ARHGAP15: variants seen among roughly 807,000 people sequenced by gnomAD.
ARHGAP15 encodes Rho GTPase activating protein 15.
A neutral mutation model predicts 63.7 loss-of-function variants in ARHGAP15; 51 were observed. That is an observed-to-expected ratio of 0.80 (90% CI 0.64 to 1.01). The LOEUF (loss-of-function observed/expected upper bound fraction) is 1.01. Ranked by LOEUF, ARHGAP15 falls within the 50% of genes least tolerant of loss-of-function variation. The pLI is 0.00. For synonymous variants in ARHGAP15, 191 were observed against 193.8 expected, an observed-to-expected ratio of 0.99 and a Z score of 0.12; for missense variants, 560 against 564.6, an observed-to-expected ratio of 0.99 and a Z score of 0.08.
chr2:143,414,736 C>T (rs1688605167), intron 6 of ARHGAP15, among the ~76,000 whole-genome samples: 2 of 152,138 alleles, frequency 1.3e-5, no homozygotes, highest in Admixed American at 6.5e-5. Context: ...GAGTTTGAGA[C>T]CAGCTTGGCT....
intron 13 of ARHGAP15, among the ~76,000 whole-genome samples, chr2:143,758,512 A>G (rs1686656400): frequency 1.3e-5 from 2 of 152,134 alleles, no homozygotes; most frequent in Non-Finnish European, 2.9e-5. Flanking sequence ...ACATAAAAGT[A>G]TACACTCTAA....
At chr2:143,555,934 G>A (rs946618973) in intron 10 of ARHGAP15, among the ~76,000 whole-genome samples, 38 of 131,286 alleles carry the variant, frequency 2.9e-4, no homozygotes, top group Non-Finnish European at 1.9e-4. Flanking sequence ...ATAGAACAGA[G>A]TAGAAATGGA....
intron 10 of ARHGAP15, among the ~76,000 whole-genome samples, chr2:143,552,895 G>A (rs1421239998): frequency 1.3e-5 from 2 of 152,116 alleles, no homozygotes; most frequent in Non-Finnish European, 2.9e-5. Flanking sequence ...CTTCTCCAAA[G>A]CACAAAAGAG....
At chr2:143,347,616 A>C (rs752749336) in intron 6 of ARHGAP15, among the ~76,000 whole-genome samples, 2 of 152,122 alleles carry the variant, frequency 1.3e-5, no homozygotes, top group Non-Finnish European at 2.9e-5. Flanking sequence ...TGCTGGCCTG[A>C]AACAGTATTA....
chr2:143,692,803 C>T (rs965872995), intron 12 of ARHGAP15, among the ~76,000 whole-genome samples: 3 of 152,142 alleles, frequency 2.0e-5, no homozygotes, highest in African/African-American at 7.2e-5. Context: ...GTCTCTGCAA[C>T]AGAAACTGTT....
At chr2:143,732,337 A>G (rs1349713764) in intron 13 of ARHGAP15, among the ~76,000 whole-genome samples, 1 of 152,172 alleles carries the variant, frequency 6.6e-6, no homozygotes, top group African/African-American at 2.4e-5. Context: ...TTGGAATACT[A>G]CCTTCATCCC....
chr2:143,219,098 G>A (rs185078550), intron 4 of ARHGAP15, among the ~76,000 whole-genome samples: 2 of 152,328 alleles, frequency 1.3e-5, no homozygotes, highest in African/African-American at 2.4e-5. Context: ...GTAGTCATGT[G>A]CCACATGGTG....
chr2:143,404,477 A>C (rs1688118021), intron 6 of ARHGAP15, among the ~76,000 whole-genome samples: 1 of 151,914 alleles, frequency 6.6e-6, no homozygotes, highest in African/African-American at 2.4e-5. Context: ...CTAATACAAA[A>C]ATTTATATTT....
intron 6 of ARHGAP15, among the ~76,000 whole-genome samples, chr2:143,282,188 T>G (rs1304742909): frequency 2.0e-5 from 3 of 152,030 alleles, no homozygotes; most frequent in Non-Finnish European, 4.4e-5. Flanking sequence ...TAATCTGCCC[T>G]CGTATGGAAG....
Position 143,410,895 on chromosome 2 carries a change from A to G in ARHGAP15, c.475-24706A>G, listed in dbSNP as rs536129227. On this transcript the variant is annotated intron_variant, in intron 6 of 13. Coordinates refer to ENST00000295095, the MANE Select transcript of ARHGAP15 (RefSeq NM_018460.4). Reference sequence around the variant, plus strand: ...TGATCATGATAGCTTCAATCAGAGTAAAATAAAAAACGAAAATATCGTAGG... The same window carrying G: ...TGATCATGATAGCTTCAATCAGAGTGAAATAAAAAACGAAAATATCGTAGG... Among the ~76,000 whole-genome samples, 297 of 151,978 alleles carry G rather than the reference A, an allele frequency of 2.0e-3. 2 individuals are homozygous for G. The highest frequency in any genetic ancestry group is 7.0e-3 in the African/African-American group (291 of 41,414).
intron 11 of ARHGAP15, among the ~76,000 whole-genome samples, chr2:143,623,848 C>A (rs1337932857): frequency 6.6e-6 from 1 of 152,246 alleles, no homozygotes; most frequent in Admixed American, 6.5e-5. Flanking sequence ...AATTTTCATA[C>A]TGATGCATTA....
At chr2:143,709,143 A>G (rs1007110949) in intron 13 of ARHGAP15, among the ~76,000 whole-genome samples, 1 of 152,202 alleles carries the variant, frequency 6.6e-6, no homozygotes, top group African/African-American at 2.4e-5. Context: ...ATACATAATT[A>G]TGGAAAATTT....
At position 143,326,052 on chromosome 2, in the gene ARHGAP15, A is replaced by G. The variant is rs116464794; in HGVS notation, c.474+75452A>G. Among the ~76,000 whole-genome samples, 1,486 of 152,246 alleles carry G rather than the reference A, an allele frequency of 9.8e-3. 23 individuals carry two copies. Among genetic ancestry groups the G allele is most frequent in the African/African-American group, 0.034 (1,424 of 41,562 alleles). On this transcript the variant is annotated intron_variant, in intron 6 of 13. Coordinates refer to ENST00000295095, the MANE Select transcript of ARHGAP15 (RefSeq NM_018460.4). ...ATTTTATTATTTGCTGTATTTGTCT[A>G]TTTCTAAACTTCCTTGTTTCAGATT...
At chr2:143,470,874 A>G (rs985103341) in intron 8 of ARHGAP15, among the ~76,000 whole-genome samples, 2 of 150,094 alleles carry the variant, frequency 1.3e-5, no homozygotes, top group African/African-American at 2.4e-5. Context: ...GTGTGTGTGT[A>G]TATATATACA....
chr2:143,757,521 T>A lies in ARHGAP15; in HGVS notation c.1245-10468T>A, dbSNP rs192790936. 5.9e-3 allele frequency among the ~76,000 whole-genome samples: 896 copies of A among 150,598 alleles called. 6 individuals carry two copies. Among genetic ancestry groups the A allele is most frequent in the African/African-American group, 0.02 (837 of 41,098 alleles). ...GTGAGACTCTGTCTCAAAAAGAAAA[T>A]ATATATATATATACACATACATACA... is the stretch of plus-strand genomic sequence containing the variant. On this transcript the variant is annotated intron_variant, in intron 13 of 13. Transcript: ENST00000295095.
chr2:143,253,195 T>A (rs1680244397), intron 6 of ARHGAP15, among the ~76,000 whole-genome samples: 1 of 122,900 alleles, frequency 8.1e-6, no homozygotes, highest in Non-Finnish European at 1.8e-5. Flanking sequence ...ATTTTAAAAT[T>A]TGAAATCTGT....
At chr2:143,731,040 T>C (rs1685511287) in intron 13 of ARHGAP15, among the ~76,000 whole-genome samples, 2 of 146,520 alleles carry the variant, frequency 1.4e-5, no homozygotes, top group South Asian at 4.3e-4. Flanking sequence ...TAGAGAGTAA[T>C]AGTTGACTTT....
intron 11 of ARHGAP15, among the ~76,000 whole-genome samples, chr2:143,619,449 ATAAGCTT>A (rs1698574884): frequency 6.6e-6 from 1 of 152,166 alleles, no homozygotes; most frequent in African/African-American, 2.4e-5. Context: ...AATTCTGTTT[ATAAGCTT>A]TAAGGCAAAA....
chr2:143,302,072 T>C (rs1345439597), intron 6 of ARHGAP15, among the ~76,000 whole-genome samples: 2 of 152,000 alleles, frequency 1.3e-5, no homozygotes, highest in Non-Finnish European at 2.9e-5. Context: ...AGCATGTCCT[T>C]GAATGAGTTT....
Sources: allele counts gnomAD v4.1 joint callset (sites outside exome capture counted in the v4.1 genomes callset), GRCh38; gene constraint gnomAD v4.1.1; transcripts MANE v1.5; gene names NCBI Gene and HGNC (gene_info 2026-07-23, HGNC 2026-07-21).